CACNA1G: variants seen among roughly 807,000 people sequenced by gnomAD.
CACNA1G encodes voltage-dependent T-type calcium channel subunit alpha-1G.
Under a neutral mutation model 219.4 loss-of-function variants are expected in CACNA1G, and 67 were observed. That is an observed-to-expected ratio of 0.31 (90% CI 0.25 to 0.37). The LOEUF is 0.37. Among genes scored for constraint, CACNA1G ranks in the 10% least tolerant of loss-of-function variants. The pLI is 1.00. For missense variants in CACNA1G, 2,380 were observed against 3,231.4 expected (o/e 0.74, Z 6.39); for synonymous variants, 1,296 against 1,345.3 (o/e 0.96, Z 0.80).
chr17:50,570,997 T>A (rs932434901), intron 4 of CACNA1G, among the ~76,000 whole-genome samples: 1 of 152,048 alleles, frequency 6.6e-6, no homozygotes, highest in African/African-American at 2.4e-5. Context: ...TCTGTCTGCT[T>A]GACGAGGGCT....
At chr17:50,625,991 G>T (rs774044600) in intron 37 of CACNA1G, 26 bp from the exon 38 acceptor site, 4 of 1,578,730 alleles carry the variant, frequency 2.5e-6, no homozygotes, top group Non-Finnish European at 3.5e-6. Context: ...AGACTGCTGG[G>T]CTGAGCCCTC....
At chr17:50,582,995 G>T (rs550312978) in intron 9 of CACNA1G, among the ~76,000 whole-genome samples, 14 of 152,262 alleles carry the variant, frequency 9.2e-5, no homozygotes, top group Admixed American at 8.5e-4. Context: ...AGAAGCTGGG[G>T]GTGGGGCAGG....
intron 37 of CACNA1G, 128 bp downstream of exon 37, chr17:50,624,657 T>C (rs1478813748): frequency 1.0e-6 from 1 of 971,550 alleles, no homozygotes; most frequent in African/African-American, 1.6e-5. Context: ...CCAGGCTCAG[T>C]TGCAGATACC....
rs1320967870 is a variant in CACNA1G at position 50,617,019 on chromosome 17, T to C, written c.5022-419T>C. On this transcript the variant is annotated intron_variant, in intron 28 of 37. Coordinates refer to ENST00000359106, the MANE Select transcript of CACNA1G (RefSeq NM_018896.5). The surrounding 1 kb of genome is among the most constrained non-coding windows in gnomAD (Gnocchi z 5.8). The stretch of plus-strand genomic sequence containing the variant: ...CCACACGCAGCTAATTATTTTTTAT[T>C]TTTATTTTTAGTAGATACAGGGTCT... Among the ~76,000 whole-genome samples the C allele has an allele frequency of 6.6e-6, 1 of 152,082 alleles. No individual in the cohort carries two copies. Among genetic ancestry groups the C allele is most frequent in the Non-Finnish European group, 1.5e-5 (1 of 68,014 alleles).
At position 50,618,038 on chromosome 17, in the gene CACNA1G, T is replaced by G. The variant is rs1480221361; in HGVS notation, c.5227-10T>G. The G allele has an allele frequency of 1.2e-6, 2 of 1,613,618 alleles. No individual in the cohort carries two copies. The highest frequency in any genetic ancestry group is 4.5e-5 in the East Asian group (2 of 44,876). On this transcript the variant is annotated splice_polypyrimidine_tract_variant and intron_variant, in intron 30 of 37. Coordinates refer to ENST00000359106, the MANE Select transcript of CACNA1G (RefSeq NM_018896.5). This position sits in a 1 kb window ranked among gnomAD's most constrained non-coding sequence, Gnocchi z 5.3. ...GCGGCATCGTTTCTATTTCTTCTCC[T>G]TTTTTCCAGGTGGGGAACCTGGGAC...
At chr17:50,613,417 C>T (rs1454401464) in intron 26 of CACNA1G, among the ~76,000 whole-genome samples, 2 of 152,136 alleles carry the variant, frequency 1.3e-5, no homozygotes, top group Non-Finnish European at 1.5e-5. Context: ...CCTCCTGCCC[C>T]GCCTTCCTTC....
intron 26 of CACNA1G, among the ~76,000 whole-genome samples, chr17:50,613,938 C>G (rs568946528): frequency 6.6e-6 from 1 of 152,296 alleles, no homozygotes; most frequent in South Asian, 2.1e-4. Flanking sequence ...ACAAACAGAG[C>G]CACAGTTGGC....
chr17:50,565,021 C>G (rs2037277174), intron 1 of CACNA1G, among the ~76,000 whole-genome samples: 1 of 151,204 alleles, frequency 6.6e-6, no homozygotes, highest in South Asian at 2.1e-4. Context: ...CCCCACCACA[C>G]AGCCCCCCCC....
At chr17:50,593,457 G>T (rs1217511814) in intron 13 of CACNA1G, among the ~76,000 whole-genome samples, 2 of 152,256 alleles carry the variant, frequency 1.3e-5, no homozygotes, top group Admixed American at 6.5e-5. Flanking sequence ...GCAGTCTGGA[G>T]GTGCCCAGCA....
Position 50,577,491 on chromosome 17 carries a change from G to C in CACNA1G, c.1925-697G>C, listed in dbSNP as rs200490570. Reference sequence around the variant, plus strand: ...GCGTCTATGTCCATGAAGGGGTCCAGTGTGTGTGTGTGCGTGTGTGCATGC... The same window carrying C: ...GCGTCTATGTCCATGAAGGGGTCCACTGTGTGTGTGTGCGTGTGTGCATGC... On this transcript the variant is annotated intron_variant, in intron 8 of 37. Transcript: ENST00000359106. Among the ~76,000 whole-genome samples, 6 of 149,870 alleles carry C rather than the reference G, an allele frequency of 4.0e-5. No homozygotes were observed. The East Asian group carries it at 1.2e-3, about 30-fold the overall frequency.
At chr17:50,572,518 C>A in intron 5 of CACNA1G, 36 bp from the exon 6 acceptor site, 1 of 1,485,948 alleles carries the variant, frequency 6.7e-7, no homozygotes, top group East Asian at 2.5e-5. Flanking sequence ...GAGCCCACTC[C>A]CCAGTCTCAC....
At chr17:50,573,202 G>A in intron 7 of CACNA1G, 89 bp downstream of exon 7, 1 of 941,974 alleles carries the variant, frequency 1.1e-6, no homozygotes, top group Non-Finnish European at 1.7e-6. Context: ...TGCTCTGTCT[G>A]AAGTTTTTAG....
chr17:50,600,965 C>T lies in CACNA1G; in HGVS notation c.3792-86C>T. On this transcript the variant is annotated intron_variant, in intron 18 of 37. Transcript: ENST00000359106. This position sits in a 1 kb window ranked among gnomAD's most constrained non-coding sequence, Gnocchi z 4.1. Reference sequence around the variant, plus strand: ...CAGGGTGGCCTCAGCTGGGAGGGCACTGGAGGGGCAGGGGCTGCGGGCGGT... The same window carrying T: ...CAGGGTGGCCTCAGCTGGGAGGGCATTGGAGGGGCAGGGGCTGCGGGCGGT... 7.6e-6 allele frequency: 12 copies of T among 1,588,682 alleles called. No homozygotes were observed. In the African/African-American group the frequency reaches 9.4e-5, roughly 12 times the overall value.
chr17:50,615,714 T>C (rs893149798), intron 27 of CACNA1G, among the ~76,000 whole-genome samples: 9 of 152,270 alleles, frequency 5.9e-5, no homozygotes, highest in African/African-American at 1.4e-4. Flanking sequence ...TGTTAGTTGA[T>C]GTGGCCAAGG....
At position 50,617,395 on chromosome 17, in the gene CACNA1G, A is replaced by G. The variant is rs753780794; in HGVS notation, c.5022-43A>G. The stretch of plus-strand genomic sequence containing the variant: ...GCCACGACTGCCCCCTCCTTCAGGA[A>G]CCCCCTCCCCCAACTCAGGGAGCTG... On this transcript the variant is annotated intron_variant, in intron 28 of 37. Transcript: ENST00000359106. This position sits in a 1 kb window ranked among gnomAD's most constrained non-coding sequence, Gnocchi z 5.8. The G allele has an allele frequency of 2.6e-5, 41 of 1,579,696 alleles. No individual in the cohort carries two copies. Among genetic ancestry groups the G allele is most frequent in the Non-Finnish European group, 3.5e-5 (41 of 1,158,032 alleles).
Position 50,565,299 on chromosome 17 carries a change from A to G in CACNA1G, c.243-3571A>G, listed in dbSNP as rs1004989746. On this transcript the variant is annotated intron_variant, in intron 1 of 37. Transcript: ENST00000359106. ...GCCTTTCTGTGAGCTTCAGTTTTCA[A>G]TTCAGCTGGAAGCCTCTCTCCCCCT... 2.0e-5 allele frequency among the ~76,000 whole-genome samples: 3 copies of G among 148,902 alleles called. No homozygotes were observed. The Admixed American group carries it at 2.0e-4, about 10-fold the overall frequency.
intron 24 of CACNA1G, 144 bp downstream of exon 24, chr17:50,607,133 G>A: frequency 1.4e-6 from 1 of 718,876 alleles, no homozygotes; most frequent in South Asian, 1.5e-5. Context: ...CTGGTAGCCT[G>A]TGGGCCAAAT....
intron 9 of CACNA1G, among the ~76,000 whole-genome samples, chr17:50,579,102 G>A (rs1345105831): frequency 2.6e-5 from 4 of 152,116 alleles, no homozygotes; most frequent in African/African-American, 7.2e-5. Context: ...CTCCCGTCTG[G>A]GAGCCGTGCT....
Position 50,594,985 on chromosome 17 carries a change from C to T in CACNA1G, c.2911-8C>T, listed in dbSNP as rs781079297. On this transcript the variant is annotated splice_polypyrimidine_tract_variant and splice_region_variant and intron_variant, in intron 13 of 37. Transcript: ENST00000359106. ...GCAGCCCTCCCCTGCCTCCCCCTTT[C>T]CCTGTAGGAAATCAGCAAACGGGAA... The T allele has an allele frequency of 1.3e-6, 2 of 1,552,574 alleles. No homozygotes were observed. Among genetic ancestry groups the T allele is most frequent in the Non-Finnish European group, 1.7e-6 (2 of 1,147,596 alleles).
Sources: gnomAD v4.1 joint callset for allele counts (sites outside exome capture counted in the v4.1 genomes callset) on GRCh38, gnomAD v4.1.1 for gene constraint, Gnocchi (gnomAD v3.1) non-coding constraint, MANE v1.5 for transcripts, NCBI Gene and HGNC (gene_info 2026-07-23, HGNC 2026-07-21) for gene names.